Variants in NXPH1 observed in about 807,000 individuals in gnomAD.
The protein encoded by NXPH1 is neurexophilin-1.
NXPH1 carries 5 observed loss-of-function variants against 23.7 expected under a neutral mutation model. The ratio of observed to expected loss-of-function variants is 0.21; its 90% confidence interval spans 0.11 to 0.44. The LOEUF is 0.44. Among genes scored for constraint, NXPH1 ranks in the 20% least tolerant of loss-of-function variants. The pLI is 0.99. For synonymous variants in NXPH1, 144 were observed against 122.2 expected (o/e 1.18, Z -1.18); for missense variants, 324 against 321.6 (o/e 1.01, Z -0.06).
intron 2 of NXPH1, among the ~76,000 whole-genome samples, chr7:8,506,057 CT>C (rs1354438142): frequency 1.3e-5 from 2 of 152,026 alleles, no homozygotes; most frequent in Non-Finnish European, 2.9e-5. Context: ...TTTAGAGGTA[CT>C]TTCTGAGTTG....
chr7:8,511,335 C>T (rs1258726819), intron 2 of NXPH1, among the ~76,000 whole-genome samples: 5 of 152,092 alleles, frequency 3.3e-5, no homozygotes, highest in Admixed American at 6.6e-5. Flanking sequence ...GGGACAGAGG[C>T]TGCCAGCCAC....
intron 2 of NXPH1, among the ~76,000 whole-genome samples, chr7:8,697,583 T>C (rs1246428443): frequency 6.6e-6 from 1 of 152,210 alleles, no homozygotes; most frequent in Non-Finnish European, 1.5e-5. Flanking sequence ...TCTCTTTTTT[T>C]GTAATTGAGA....
chr7:8,688,966 C>T (rs1821188094), intron 2 of NXPH1, among the ~76,000 whole-genome samples: 2 of 152,082 alleles, frequency 1.3e-5, no homozygotes, highest in African/African-American at 4.8e-5. Context: ...TTTCCATGGT[C>T]TTTGTTTTTG....
At chr7:8,660,023 T>C (rs1263078285) in intron 2 of NXPH1, among the ~76,000 whole-genome samples, 1 of 152,224 alleles carries the variant, frequency 6.6e-6, no homozygotes, top group African/African-American at 2.4e-5. Context: ...AGCAGAATCC[T>C]GCTTGAGAAA....
chr7:8,494,189 A>G (rs1274420914), intron 2 of NXPH1, among the ~76,000 whole-genome samples: 2 of 151,800 alleles, frequency 1.3e-5, no homozygotes, highest in African/African-American at 4.8e-5. Context: ...TTTTCATAGT[A>G]GAGTGATTTT....
At chr7:8,654,492 G>C (rs1654542650) in intron 2 of NXPH1, among the ~76,000 whole-genome samples, 1 of 152,194 alleles carries the variant, frequency 6.6e-6, no homozygotes. Flanking sequence ...TTATCATATA[G>C]TGTCACAATG....
Position 8,726,279 on chromosome 7 carries a change from C to CT in NXPH1, c.55-24716dup, listed in dbSNP as rs1005642586. ...AATCCTTCCTCGTTTGCTTCTTTTT[C>CT]TTTTTTTTTTTTTACACTTTACTGC... On this transcript the variant is annotated intron_variant, in intron 2 of 2. Transcript: ENST00000405863. Among the ~76,000 whole-genome samples the CT allele has an allele frequency of 5.4e-3, 696 of 127,858 alleles. 3 individuals carry two copies. In the Middle Eastern group the frequency reaches 0.055, roughly 10 times the overall value. The allele number at this position is 127,858 out of a possible 152,430, so 83.9% of individuals were successfully genotyped here. A position where few individuals can be genotyped will look rare whatever the true frequency, so the allele number is the denominator to read the frequency against.
chr7:8,505,646 C>T (rs1817509451), intron 2 of NXPH1, among the ~76,000 whole-genome samples: 1 of 151,922 alleles, frequency 6.6e-6, no homozygotes, highest in African/African-American at 2.4e-5. Flanking sequence ...AAAACTTGTG[C>T]CCATTAGGTT....
At chr7:8,469,256 T>A (rs896334893) in intron 2 of NXPH1, among the ~76,000 whole-genome samples, 4 of 152,034 alleles carry the variant, frequency 2.6e-5, no homozygotes, top group African/African-American at 7.2e-5. Context: ...TTTTAGACTT[T>A]CACATGAATT....
chr7:8,711,426 T>TTAAAA (rs572425690), intron 2 of NXPH1, among the ~76,000 whole-genome samples: 246 of 152,328 alleles, frequency 1.6e-3, no homozygotes, highest in Middle Eastern at 6.8e-3. Flanking sequence ...GGCATGTAAG[T>TTAAAA]TAAAATAAAG....
At chr7:8,660,710 A>G (rs1343116013) in intron 2 of NXPH1, among the ~76,000 whole-genome samples, 1 of 152,206 alleles carries the variant, frequency 6.6e-6, no homozygotes, top group Non-Finnish European at 1.5e-5. Flanking sequence ...ATTTTAATGT[A>G]TGATTGAAGC....
chr7:8,459,258 A>C (rs572487350), intron 2 of NXPH1, among the ~76,000 whole-genome samples: 114 of 152,246 alleles, frequency 7.5e-4, no homozygotes, highest in African/African-American at 2.6e-3. Context: ...AAATGATATG[A>C]GAGAAGGATG....
At chr7:8,719,274 G>A (rs958291421) in intron 2 of NXPH1, among the ~76,000 whole-genome samples, 3 of 152,264 alleles carry the variant, frequency 2.0e-5, no homozygotes, top group African/African-American at 7.2e-5. Flanking sequence ...GGCCTACTTG[G>A]CCTAGTTACA....
intron 2 of NXPH1, among the ~76,000 whole-genome samples, chr7:8,667,026 T>C (rs10247720): frequency 0.065 from 9,912 of 152,164 alleles, 697 homozygotes; most frequent in East Asian, 0.25. Flanking sequence ...CTTATAGTTA[T>C]AACTATGGTT....
At chr7:8,688,403 A>T (rs1482730259) in intron 2 of NXPH1, among the ~76,000 whole-genome samples, 1 of 152,108 alleles carries the variant, frequency 6.6e-6, no homozygotes, top group Non-Finnish European at 1.5e-5. Context: ...ATCTGGGTAA[A>T]TGTGGTTCTT....
chr7:8,435,531 C>G lies in NXPH1; in HGVS notation c.-110-73C>G, dbSNP rs6463807. The G allele has an allele frequency of 2.5e-3, 1,475 of 596,918 alleles. 15 individuals carry two copies. Among genetic ancestry groups the G allele is most frequent in the African/African-American group, 0.024 (1,292 of 53,350 alleles). The allele number at this position is 596,918 out of a possible 1,614,324, so 37.0% of individuals were successfully genotyped here. A position where few individuals can be genotyped will look rare whatever the true frequency, so the allele number is the denominator to read the frequency against. ...GGTCCCCCACTCCCCGCTACGACCCCCTTTCCCCGCTTGATTGTCAAGCCT... is the reference window on the plus strand; with the variant it reads ...GGTCCCCCACTCCCCGCTACGACCCGCTTTCCCCGCTTGATTGTCAAGCCT... On this transcript the variant is annotated intron_variant, in intron 1 of 2. Coordinates refer to ENST00000405863, the MANE Select transcript of NXPH1 (RefSeq NM_152745.3). The surrounding 1 kb of genome is among the most constrained non-coding windows in gnomAD (Gnocchi z 5.9).
At chr7:8,543,970 G>T (rs1006901384) in intron 2 of NXPH1, among the ~76,000 whole-genome samples, 1 of 151,490 alleles carries the variant, frequency 6.6e-6, no homozygotes, top group Non-Finnish European at 1.5e-5. Flanking sequence ...GGAGGCAATT[G>T]AGGGCAAAAG....
intron 2 of NXPH1, among the ~76,000 whole-genome samples, chr7:8,599,807 A>G (rs115356326): frequency 4.8e-5 from 7 of 145,208 alleles, no homozygotes; most frequent in Admixed American, 6.9e-5. Flanking sequence ...AGATAGGAAG[A>G]TTTTTTTTTT....
At chr7:8,632,027 C>G (rs1175095963) in intron 2 of NXPH1, among the ~76,000 whole-genome samples, 3 of 152,070 alleles carry the variant, frequency 2.0e-5, no homozygotes, top group Non-Finnish European at 4.4e-5. Flanking sequence ...CCTGAGATAG[C>G]TAAAATATTG....
Sources: allele counts gnomAD v4.1 joint callset (sites outside exome capture counted in the v4.1 genomes callset), GRCh38; gene constraint gnomAD v4.1.1; non-coding constraint Gnocchi (gnomAD v3.1); transcripts MANE v1.5; gene names NCBI Gene and HGNC (gene_info 2026-07-23, HGNC 2026-07-21).